HCRTR2: variants seen among roughly 807,000 people sequenced by gnomAD.
HCRTR2 encodes orexin receptor type 2.
Under a neutral mutation model 49.0 loss-of-function variants are expected in HCRTR2, and 22 were observed. The observed-to-expected ratio is 0.45, with a 90% CI of 0.32 to 0.64. The LOEUF (loss-of-function observed/expected upper bound fraction) is 0.64, where lower values mean the gene tolerates loss of function less well. Ranked by LOEUF, HCRTR2 falls within the 30% of genes least tolerant of loss-of-function variation. HCRTR2 has a pLI of 0.04. For synonymous variants in HCRTR2, 236 were observed against 205.3 expected, an observed-to-expected ratio of 1.15 and a Z score of -1.28; for missense variants, 491 against 559.4, an observed-to-expected ratio of 0.88 and a Z score of 1.23.
intron 1 of HCRTR2, among the ~76,000 whole-genome samples, chr6:55,131,106 T>C (rs1764349618): frequency 6.6e-6 from 1 of 151,856 alleles, no homozygotes; most frequent in South Asian, 2.1e-4. Context: ...TAAGGGATAG[T>C]TTCAAATATA....
intron 1 of HCRTR2, among the ~76,000 whole-genome samples, chr6:55,222,714 A>G (rs776191133): frequency 7.2e-5 from 11 of 152,196 alleles, no homozygotes; most frequent in Admixed American, 5.2e-4. Context: ...ATATACTTCT[A>G]TGAAGTATCT....
intron 1 of HCRTR2, among the ~76,000 whole-genome samples, chr6:55,133,469 G>A (rs956929732): frequency 2.0e-5 from 3 of 151,720 alleles, no homozygotes; most frequent in Admixed American, 6.6e-5. Flanking sequence ...AATGTCCAAA[G>A]TAAAATTATG....
At chr6:55,207,397 T>C (rs145551852) in intron 1 of HCRTR2, among the ~76,000 whole-genome samples, 1 of 152,310 alleles carries the variant, frequency 6.6e-6, no homozygotes, top group East Asian at 1.9e-4. Context: ...GACTTGCATT[T>C]TCATGAACTT....
At chr6:55,169,043 T>G (rs1764914189) in intron 1 of HCRTR2, among the ~76,000 whole-genome samples, 1 of 151,644 alleles carries the variant, frequency 6.6e-6, no homozygotes, top group Non-Finnish European at 1.5e-5. Flanking sequence ...TGACGCCACT[T>G]TGGGAAAATA....
chr6:55,211,388 G>A (rs983548044), intron 1 of HCRTR2, among the ~76,000 whole-genome samples: 3 of 152,142 alleles, frequency 2.0e-5, no homozygotes, highest in African/African-American at 7.2e-5. Context: ...AATGGTATAA[G>A]CCAGATTACT....
chr6:55,255,020 G>A, intron 2 of HCRTR2, 116 bp from the exon 3 acceptor site: 1 of 1,090,968 alleles, frequency 9.2e-7, no homozygotes. Context: ...GTTTATTTTT[G>A]GCAGCTTTGA....
At chr6:55,188,224 A>G (rs1441279982) in intron 1 of HCRTR2, among the ~76,000 whole-genome samples, 1 of 152,248 alleles carries the variant, frequency 6.6e-6, no homozygotes, top group Admixed American at 6.5e-5. Flanking sequence ...AACTTAACCA[A>G]AAGGGACTTG....
Position 55,238,930 on chromosome 6 carries a change from T to C in HCRTR2, c.224-9709T>C, listed in dbSNP as rs567268155. On this transcript the variant is annotated intron_variant, in intron 1 of 6. Transcript: ENST00000370862. ...ATGTCTTGGGGAGGATCGGATTGGT[T>C]GCTTGTGTATGTTAATTAATGCAAA... 4.6e-5 allele frequency among the ~76,000 whole-genome samples: 7 copies of C among 152,280 alleles called. No homozygotes were observed. The South Asian group carries it at 1.5e-3, about 32-fold the overall frequency.
At position 55,281,333 on chromosome 6, in the gene HCRTR2, G is replaced by C. The variant is rs1346739588; in HGVS notation, c.1105+889G>C. On this transcript the variant is annotated intron_variant, in intron 6 of 6. Transcript: ENST00000370862. ...TATTTAAAAAAAAATCTAGCACAAT[G>C]ACTAAAGCTCTGAACCTCGCACTAA... is the stretch of plus-strand genomic sequence containing the variant. Among the ~76,000 whole-genome samples the C allele has an allele frequency of 3.3e-5, 5 of 152,142 alleles. 1 individual carries two copies. The highest frequency in any genetic ancestry group is 5.9e-5 in the Non-Finnish European group (4 of 68,026).
At chr6:55,239,022 G>A (rs1766268707) in intron 1 of HCRTR2, among the ~76,000 whole-genome samples, 1 of 152,146 alleles carries the variant, frequency 6.6e-6, no homozygotes, top group South Asian at 2.1e-4. Flanking sequence ...AAATCCAGAT[G>A]CATTTCTAAG....
In HCRTR2 at chr6:55,263,182, T is replaced by C. The variant is rs1766800183; in HGVS notation, c.647-525T>C. 2.0e-5 allele frequency among the ~76,000 whole-genome samples: 3 copies of C among 152,044 alleles called. No homozygotes were observed. In the South Asian group the frequency reaches 6.2e-4, roughly 31 times the overall value. On this transcript the variant is annotated intron_variant, in intron 3 of 6. Transcript: ENST00000370862. ...TTTGTATTGTATTTAGTTTTCAAAA[T>C]TTTTTTCACATTTGTATTTGGAGAT...
chr6:55,171,232 C>G (rs1489220731), upstream of HCRTR2, among the ~76,000 whole-genome samples: 1 of 152,196 alleles, frequency 6.6e-6, no homozygotes, highest in African/African-American at 2.4e-5. Context: ...TCCACATCCT[C>G]TCCAGCACCT....
At chr6:55,158,785 A>G (rs1156642236) in intron 1 of HCRTR2, among the ~76,000 whole-genome samples, 1 of 152,208 alleles carries the variant, frequency 6.6e-6, no homozygotes, top group South Asian at 2.1e-4. Flanking sequence ...GCTTCTCTGA[A>G]AGAAAGGCAG....
chr6:55,280,296 AC>A (rs761148778), intron 5 of HCRTR2, 26 bp from the exon 6 acceptor site: 1 of 1,425,748 alleles, frequency 7.0e-7, no homozygotes, highest in African/African-American at 1.4e-5. Flanking sequence ...TTTAAAAGAC[AC>A]TTTTCTGTTG....
intron 1 of HCRTR2, among the ~76,000 whole-genome samples, chr6:55,115,329 A>C (rs1329755297): frequency 1.3e-5 from 2 of 151,706 alleles, no homozygotes; most frequent in African/African-American, 2.4e-5. Flanking sequence ...GAGACTTTTC[A>C]TTTAAAAGAA....
intron 4 of HCRTR2, among the ~76,000 whole-genome samples, chr6:55,266,718 T>G (rs1203661073): frequency 6.6e-6 from 1 of 152,152 alleles, no homozygotes; most frequent in East Asian, 1.9e-4. Context: ...CTTGTTACTT[T>G]TACATGGTAA....
At chr6:55,250,227 C>A (rs1227927685) in intron 2 of HCRTR2, among the ~76,000 whole-genome samples, 1 of 151,990 alleles carries the variant, frequency 6.6e-6, no homozygotes, top group Non-Finnish European at 1.5e-5. Flanking sequence ...ACAAAACGAA[C>A]AGTAGCACAT....
intron 1 of HCRTR2, among the ~76,000 whole-genome samples, chr6:55,224,372 C>CT (rs1450793905): frequency 6.6e-6 from 1 of 152,016 alleles, no homozygotes; most frequent in Non-Finnish European, 1.5e-5. Flanking sequence ...AATCGCAGCA[C>CT]TTTGGGAGGC....
intron 1 of HCRTR2, among the ~76,000 whole-genome samples, chr6:55,158,577 G>A (rs1427266043): frequency 1.3e-5 from 2 of 152,222 alleles, no homozygotes; most frequent in African/African-American, 4.8e-5. Context: ...CACTGCCAGT[G>A]CAGCAGTCTG....
Sources: allele counts gnomAD v4.1 joint callset (sites outside exome capture counted in the v4.1 genomes callset), GRCh38; gene constraint gnomAD v4.1.1; transcripts MANE v1.5; gene names NCBI Gene and HGNC (gene_info 2026-07-23, HGNC 2026-07-21).